Variants in CSMD2 observed in about 807,000 individuals in gnomAD.
The protein encoded by CSMD2 is CUB and Sushi multiple domains 2, also known as CUB and sushi domain-containing protein 2.
CSMD2 carries 130 observed loss-of-function variants against 398.5 expected under a neutral mutation model. The ratio of observed to expected loss-of-function variants is 0.33; its 90% CI spans 0.28 to 0.38. CSMD2 has a LOEUF of 0.38. CSMD2 is among the 10% of genes least tolerant of loss of function. CSMD2 has a pLI of 1.00. For synonymous variants in CSMD2, 1,828 were observed against 1,908.5 expected (o/e 0.96, Z 1.10); for missense variants, 3,829 against 4,764.9 (o/e 0.80, Z 5.78).
intron 5 of CSMD2, among the ~76,000 whole-genome samples, chr1:33,859,290 T>C (rs957080739): frequency 6.6e-6 from 1 of 152,190 alleles, no homozygotes; most frequent in African/African-American, 2.4e-5. Flanking sequence ...GCTTGCCTTT[T>C]CCAGCTGCTA....
At chr1:33,715,209 C>T (rs1287289977) in intron 20 of CSMD2, among the ~76,000 whole-genome samples, 1 of 152,182 alleles carries the variant, frequency 6.6e-6, no homozygotes, top group Non-Finnish European at 1.5e-5. Flanking sequence ...TTCCTTGTCT[C>T]TGGGCAACAA....
intron 20 of CSMD2, 41 bp downstream of exon 20, chr1:33,716,245 C>T (rs760926655): frequency 6.6e-7 from 1 of 1,511,412 alleles, no homozygotes; most frequent in South Asian, 1.1e-5. Context: ...GAGCAAATAG[C>T]ACCATGGTCT....
chr1:33,710,763 A>G (rs961890337), intron 21 of CSMD2, among the ~76,000 whole-genome samples: 3 of 26,650 alleles, frequency 1.1e-4, no homozygotes, highest in Non-Finnish European at 1.7e-4. Context: ...GGAAACCTTC[A>G]GAACATGGAA....
intron 11 of CSMD2, among the ~76,000 whole-genome samples, chr1:33,789,919 T>C (rs1201306437): frequency 2.0e-5 from 3 of 152,218 alleles, no homozygotes; most frequent in African/African-American, 7.2e-5. Context: ...AGTCCACCAT[T>C]CATTTGCTGT....
At chr1:33,626,300 T>C (rs1642125141) in intron 33 of CSMD2, among the ~76,000 whole-genome samples, 186 bp downstream of exon 33, 1 of 152,226 alleles carries the variant, frequency 6.6e-6, no homozygotes, top group Non-Finnish European at 1.5e-5. Context: ...CTAAGAAATG[T>C]CTGCTGAGTA....
rs768811383 is a variant in CSMD2, at chr1:33,846,943, C to T, written c.974G>A (p.Arg325Gln). ...APVISSKNWL[R>Q]LHFTSDGNHR... is the part of the protein sequence containing the mutation. ...GTTGCCATCCGATGTGAAGTGCAGT[C>T]GCAGCCAGTTCTTGCTGCTGATAAC... Residue 325 changes from arginine to glutamine, a missense_variant, in exon 6 of 71, where the codon CGA (arginine) becomes CAA (glutamine). Transcript: ENST00000373381. 9.3e-6 allele frequency: 15 copies of T among 1,610,590 alleles called. No homozygotes were observed. Among genetic ancestry groups the T allele is most frequent in the South Asian group, 6.6e-5 (6 of 90,466 alleles).
chr1:33,518,107 C>T lies in CSMD2; in HGVS notation c.*53+1358G>A, dbSNP rs1653926298. On this transcript the variant is annotated intron_variant, in intron 70 of 70. Transcript: ENST00000373381. The surrounding 1 kb of genome is among the most constrained non-coding windows in gnomAD (Gnocchi z 4.3). The stretch of plus-strand genomic sequence containing the variant: ...ATTTTCCACCGCCCTCACTGGGAAT[C>T]CCTACCTGGCTGGCTCTGTGACTCT... 6.6e-6 allele frequency among the ~76,000 whole-genome samples: 1 copy of T among 152,272 alleles called. No individual in the cohort carries two copies. The highest frequency in any genetic ancestry group is 6.5e-5 in the Admixed American group (1 of 15,292).
intron 2 of CSMD2, among the ~76,000 whole-genome samples, chr1:34,070,479 CA>C (rs1655609214): frequency 6.6e-6 from 1 of 152,166 alleles, no homozygotes; most frequent in Non-Finnish European, 1.5e-5. Context: ...GCTTATGAGC[CA>C]TTCTGAAGCT....
At chr1:33,921,886 G>A (rs1479478607) in intron 4 of CSMD2, among the ~76,000 whole-genome samples, 1 of 152,176 alleles carries the variant, frequency 6.6e-6, no homozygotes, top group African/African-American at 2.4e-5. Context: ...GGTTGCCGGT[G>A]GGGAGATCAG....
intron 14 of CSMD2, 31 bp downstream of exon 14, chr1:33,743,249 A>G: frequency 6.5e-7 from 1 of 1,543,934 alleles, no homozygotes; most frequent in Non-Finnish European, 8.8e-7. Flanking sequence ...ACTCAGATGG[A>G]GGGCCAGCTG....
intron 5 of CSMD2, among the ~76,000 whole-genome samples, chr1:33,889,633 T>C (rs1382118318): frequency 2.0e-5 from 3 of 149,974 alleles, no homozygotes; most frequent in African/African-American, 7.6e-5. Flanking sequence ...ATTAGGGAAA[T>C]TGTTAAAAAA....
chr1:34,108,695 G>T (rs899887754), intron 1 of CSMD2, among the ~76,000 whole-genome samples: 1 of 152,022 alleles, frequency 6.6e-6, no homozygotes, highest in Non-Finnish European at 1.5e-5. Context: ...AGGGAAAGAG[G>T]CTGAAGAGGG....
intron 37 of CSMD2, among the ~76,000 whole-genome samples, chr1:33,618,440 A>C (rs1208444230): frequency 6.6e-6 from 1 of 152,016 alleles, no homozygotes; most frequent in Non-Finnish European, 1.5e-5. Flanking sequence ...TATGGAATCC[A>C]ACTTTCTCAT....
chr1:33,913,987 C>T (rs1328962155), intron 5 of CSMD2, among the ~76,000 whole-genome samples: 2 of 152,080 alleles, frequency 1.3e-5, no homozygotes, highest in Non-Finnish European at 2.9e-5. Flanking sequence ...CTCAGTATAA[C>T]GTGATCCTGA....
At chr1:33,588,578 A>C (rs1252322862) in intron 44 of CSMD2, among the ~76,000 whole-genome samples, 1 of 152,224 alleles carries the variant, frequency 6.6e-6, no homozygotes, top group Non-Finnish European at 1.5e-5. Context: ...CCCAAAATCC[A>C]AAAAGTAATT....
At position 33,624,520 on chromosome 1, in the gene CSMD2, T is replaced by C; in HGVS notation, c.5624A>G (p.Gln1875Arg). The change falls in exon 35 of 71, where the codon CAG (glutamine) becomes CGG (arginine). Residue 1875 changes from glutamine (Q) to arginine (R), a missense_variant and splice_region_variant. Gln to Arg is a conservative substitution (Grantham distance 43). Around this residue, in one of 5 missense-constraint regions of CSMD2, gnomAD observed 2,001 missense variants for 2,567.1 expected, o/e 0.78. Transcript: ENST00000373381. The surrounding 1 kb of genome is among the most constrained non-coding windows in gnomAD (Gnocchi z 4.7). ...KIVVPEGAGI[Q>R]IQVVSFVTEQ... ...ACCGAGGCGCCCCCTTGCCCCTACCTGGATGCCAGCGCCTTCGGGGACCAC... is the reference window on the plus strand; with the variant it reads ...ACCGAGGCGCCCCCTTGCCCCTACCCGGATGCCAGCGCCTTCGGGGACCAC... 6.2e-7 allele frequency: 1 copy of C among 1,613,726 alleles called. No homozygotes were observed. The highest frequency in any genetic ancestry group is 8.5e-7 in the Non-Finnish European group (1 of 1,179,830).
chr1:33,986,862 G>A (rs1465825163), intron 3 of CSMD2, among the ~76,000 whole-genome samples: 1 of 152,174 alleles, frequency 6.6e-6, no homozygotes, highest in Non-Finnish European at 1.5e-5. Flanking sequence ...GCACGGACAT[G>A]CAGCCCCTGA....
intron 55 of CSMD2, among the ~76,000 whole-genome samples, chr1:33,556,968 C>T (rs191725626): frequency 2.6e-5 from 4 of 152,318 alleles, no homozygotes; most frequent in African/African-American, 7.2e-5. Flanking sequence ...TTATAAATTA[C>T]CCAGTCTTGG....
At chr1:33,604,428 T>C (rs527333373) in intron 42 of CSMD2, among the ~76,000 whole-genome samples, 2 of 151,896 alleles carry the variant, frequency 1.3e-5, no homozygotes, top group Non-Finnish European at 2.9e-5. Flanking sequence ...AGTCTGAGAG[T>C]GAGCCATCTG....
Sources: gnomAD v4.1 joint callset for allele counts (sites outside exome capture counted in the v4.1 genomes callset) on GRCh38, gnomAD v4.1.1 for gene constraint, gnomAD v4.1.1 regional missense constraint, Gnocchi (gnomAD v3.1) non-coding constraint, MANE v1.5 for transcripts, NCBI Gene and HGNC (gene_info 2026-07-23, HGNC 2026-07-21) for gene names.